Variants in TTC29 observed in about 807,000 individuals in gnomAD.
TTC29 encodes tetratricopeptide repeat protein 29.
TTC29 carries 49 observed loss-of-function variants against 58.1 expected under a neutral mutation model. The ratio of observed to expected loss-of-function variants is 0.84; its 90% CI spans 0.67 to 1.07. The LOEUF (loss-of-function observed/expected upper bound fraction) is 1.07. Among genes scored for constraint, TTC29 ranks in the 50% least tolerant of loss-of-function variants. The pLI is 0.00. For synonymous variants in TTC29, 209 were observed against 196.8 expected (o/e 1.06, Z -0.52); for missense variants, 582 against 555.6 (o/e 1.05, Z -0.48).
intron 11 of TTC29, among the ~76,000 whole-genome samples, chr4:146,738,461 C>T (rs1744882753): frequency 6.6e-6 from 1 of 152,100 alleles, no homozygotes; most frequent in South Asian, 2.1e-4. Context: ...GCCTGAGAGA[C>T]ATCCATATAG....
At chr4:146,816,886 C>T (rs886998028) in intron 10 of TTC29, among the ~76,000 whole-genome samples, 1 of 152,056 alleles carries the variant, frequency 6.6e-6, no homozygotes, top group Non-Finnish European at 1.5e-5. Flanking sequence ...TGGCAAACAA[C>T]AGAATACTGT....
chr4:146,773,629 T>G (rs2150076837), intron 11 of TTC29, among the ~76,000 whole-genome samples: 1 of 152,154 alleles, frequency 6.6e-6, no homozygotes, highest in African/African-American at 2.4e-5. Flanking sequence ...TACTGCTGGG[T>G]TTGGTTTGCT....
In TTC29 at chr4:146,930,102, T is replaced by TATACAC. The variant is rs1415719278; in HGVS notation, c.176+7491_176+7492insGTGTAT. Among the ~76,000 whole-genome samples the TATACAC allele has an allele frequency of 4.1e-3, 532 of 129,630 alleles. 12 individuals are homozygous for TATACAC. Among genetic ancestry groups the TATACAC allele is most frequent in the African/African-American group, 0.015 (513 of 33,370 alleles). The allele number at this position is 129,630 out of a possible 152,430, so 85.0% of individuals were successfully genotyped here. On this transcript the variant is annotated intron_variant, in intron 4 of 12. Transcript: ENST00000325106. ...GTGTGTGCATATATATATATATATATATATATATATATATATACACACATA... is the reference window on the plus strand; with the variant it reads ...GTGTGTGCATATATATATATATATATATACACATATATATATATATATACACACATA...
intron 4 of TTC29, among the ~76,000 whole-genome samples, chr4:146,911,180 C>G (rs1224279350): frequency 1.3e-5 from 2 of 152,200 alleles, no homozygotes; most frequent in Non-Finnish European, 2.9e-5. Flanking sequence ...AGGACCAGAA[C>G]CAACCCTGTA....
intron 8 of TTC29, among the ~76,000 whole-genome samples, chr4:146,852,661 T>C (rs1729587591): frequency 6.6e-6 from 1 of 152,234 alleles, no homozygotes; most frequent in Admixed American, 6.5e-5. Flanking sequence ...ATTGTAAGAA[T>C]GGCACTGGTA....
rs73852728 is a variant in TTC29, at chr4:146,874,570, G to T, written c.799+146C>A. ...CACTAAGGCACCTTCGTTTTACAGT[G>T]AAATTTGAAAGTAAATTGATGGCAT... On this transcript the variant is annotated intron_variant, in intron 7 of 12. Transcript: ENST00000325106. 7.4e-4 allele frequency: 519 copies of T among 698,290 alleles called. 3 individuals are homozygous for T. In the African/African-American group the frequency reaches 8.6e-3, roughly 12 times the overall value. The allele number at this position is 698,290 out of a possible 1,614,324, so 43.3% of individuals were successfully genotyped here.
intron 11 of TTC29, among the ~76,000 whole-genome samples, chr4:146,793,810 G>C (rs1333955555): frequency 2.0e-5 from 3 of 152,086 alleles, no homozygotes; most frequent in Admixed American, 2.0e-4. Flanking sequence ...AAATTCCTAT[G>C]TTAGATATGG....
chr4:146,752,606 C>T (rs1398605411), intron 11 of TTC29, among the ~76,000 whole-genome samples: 3 of 151,690 alleles, frequency 2.0e-5, no homozygotes, highest in Non-Finnish European at 2.9e-5. Context: ...CAATCCTAAG[C>T]CAAAAGAACA....
intron 5 of TTC29, among the ~76,000 whole-genome samples, chr4:146,907,780 A>G (rs926565092): frequency 6.6e-6 from 1 of 152,178 alleles, no homozygotes; most frequent in African/African-American, 2.4e-5. Context: ...AATTACAGGC[A>G]TGAGCCACCG....
Position 146,724,346 on chromosome 4 carries a change from C to A in TTC29, c.1331-16795G>T, listed in dbSNP as rs181384722. ...TCACAGAATATGTCCAAGTAACAAACCTGCATGTGTACCCCCCAAATCTAA... is the reference window on the plus strand; with the variant it reads ...TCACAGAATATGTCCAAGTAACAAAACTGCATGTGTACCCCCCAAATCTAA... On this transcript the variant is annotated intron_variant, in intron 11 of 12. Coordinates refer to ENST00000325106, the MANE Select transcript of TTC29 (RefSeq NM_031956.4). 5.4e-4 allele frequency among the ~76,000 whole-genome samples: 82 copies of A among 152,092 alleles called. 1 individual carries two copies. Among genetic ancestry groups the A allele is most frequent in the African/African-American group, 1.9e-3 (80 of 41,476 alleles).
chr4:146,783,602 T>C (rs1748781819), intron 11 of TTC29, among the ~76,000 whole-genome samples: 1 of 152,088 alleles, frequency 6.6e-6, no homozygotes, highest in African/African-American at 2.4e-5. Context: ...GAAGCAGCCA[T>C]ATAAAATGTG....
chr4:146,910,566 G>T (rs1440540455), intron 4 of TTC29, among the ~76,000 whole-genome samples: 2 of 152,000 alleles, frequency 1.3e-5, no homozygotes, highest in Admixed American at 6.6e-5. Context: ...ATCATGAAGA[G>T]ATCTTACGGT....
chr4:146,903,813 C>G (rs1236950579), intron 5 of TTC29, 84 bp from the exon 6 acceptor site: 2 of 1,021,508 alleles, frequency 2.0e-6, no homozygotes, highest in African/African-American at 3.4e-5. Context: ...AATATCATGA[C>G]TTCCTATTTT....
At chr4:146,808,101 A>T (rs1053032667) in intron 10 of TTC29, among the ~76,000 whole-genome samples, 2 of 152,324 alleles carry the variant, frequency 1.3e-5, no homozygotes, top group East Asian at 3.9e-4. Context: ...AAATCAATAA[A>T]CGTAATCTCT....
chr4:146,804,759 C>T (rs1158761227), intron 10 of TTC29, among the ~76,000 whole-genome samples: 2 of 152,142 alleles, frequency 1.3e-5, no homozygotes, highest in Non-Finnish European at 2.9e-5. Context: ...ATAAAACTCC[C>T]ATCTCCCTGG....
chr4:146,813,682 A>G (rs1751178183), intron 10 of TTC29, among the ~76,000 whole-genome samples: 4 of 152,192 alleles, frequency 2.6e-5, no homozygotes, highest in Non-Finnish European at 4.4e-5. Flanking sequence ...CTAAAATATT[A>G]TACAAAAATG....
chr4:146,844,130 G>C, intron 8 of TTC29, among the ~76,000 whole-genome samples: 1 of 152,104 alleles, frequency 6.6e-6, no homozygotes, highest in East Asian at 1.9e-4. Flanking sequence ...TCTTTCACAT[G>C]CTAAGAGTTT....
intron 5 of TTC29, among the ~76,000 whole-genome samples, chr4:146,907,618 CT>C (rs1733610741): frequency 6.6e-6 from 1 of 152,192 alleles, no homozygotes; most frequent in African/African-American, 2.4e-5. Flanking sequence ...CTGCCTCAGC[CT>C]TCTGAGTAGC....
chr4:146,775,478 G>T (rs1212815953), intron 11 of TTC29, among the ~76,000 whole-genome samples: 1 of 151,568 alleles, frequency 6.6e-6, no homozygotes, highest in African/African-American at 2.4e-5. Context: ...TTGTCTGAAA[G>T]TATCTTATTT....
Sources: gnomAD v4.1 joint callset for allele counts (sites outside exome capture counted in the v4.1 genomes callset) on GRCh38, gnomAD v4.1.1 for gene constraint, MANE v1.5 for transcripts, NCBI Gene and HGNC (gene_info 2026-07-23, HGNC 2026-07-21) for gene names.